Variants in KCNH7 observed in about 807,000 individuals in gnomAD.
KCNH7 encodes the protein potassium voltage-gated channel subfamily H member 7, also known as voltage-gated inwardly rectifying potassium channel KCNH7.
A neutral mutation model predicts 120.8 loss-of-function variants in KCNH7; 49 were observed. The ratio of observed to expected loss-of-function variants is 0.41; its 90% confidence interval spans 0.32 to 0.51. The LOEUF (loss-of-function observed/expected upper bound fraction) is 0.51. Ranked by LOEUF, KCNH7 falls within the 20% of genes least tolerant of loss-of-function variation. The pLI, the probability that KCNH7 is intolerant of heterozygous loss-of-function variation, is 0.38. For synonymous variants in KCNH7, 547 were observed against 516.1 expected, an observed-to-expected ratio of 1.06 and a Z score of -0.81; for missense variants, 1,097 against 1,446.6, an observed-to-expected ratio of 0.76 and a Z score of 3.92.
chr2:162,755,314 CA>C (rs557498810), intron 2 of KCNH7, among the ~76,000 whole-genome samples: 1 of 151,442 alleles, frequency 6.6e-6, no homozygotes, highest in African/African-American at 2.4e-5. Context: ...ACTAAAAATA[CA>C]AAAAAAATTA....
chr2:162,726,453 C>T (rs1017310026), intron 2 of KCNH7, among the ~76,000 whole-genome samples: 4 of 151,876 alleles, frequency 2.6e-5, no homozygotes, highest in Non-Finnish European at 4.4e-5. Flanking sequence ...GGAGTCTTGC[C>T]CTGTCTCCCA....
chr2:162,825,900 A>T (rs1573935992), intron 2 of KCNH7, among the ~76,000 whole-genome samples: 1 of 152,130 alleles, frequency 6.6e-6, no homozygotes, highest in African/African-American at 2.4e-5. Flanking sequence ...TTATAGCTGC[A>T]CTACAAGCCA....
chr2:162,575,002 G>A (rs866867898), intron 2 of KCNH7, among the ~76,000 whole-genome samples: 2 of 152,086 alleles, frequency 1.3e-5, no homozygotes, highest in Non-Finnish European at 2.9e-5. Context: ...TAGTGGAAGT[G>A]TTGGGCATGT....
At chr2:162,734,741 C>T (rs1687841551) in intron 2 of KCNH7, among the ~76,000 whole-genome samples, 1 of 151,748 alleles carries the variant, frequency 6.6e-6, no homozygotes, top group South Asian at 2.1e-4. Flanking sequence ...TATTAAAAGC[C>T]AGAGCTCAGT....
chr2:162,562,628 C>A (rs946965716), intron 2 of KCNH7, among the ~76,000 whole-genome samples: 2 of 152,200 alleles, frequency 1.3e-5, no homozygotes, highest in Non-Finnish European at 2.9e-5. Context: ...CTGGGTCCTG[C>A]TCACTTGGAC....
chr2:162,481,787 C>T (rs1259347435), intron 6 of KCNH7, among the ~76,000 whole-genome samples: 3 of 152,138 alleles, frequency 2.0e-5, no homozygotes, highest in Non-Finnish European at 4.4e-5. Context: ...GTACTGCATG[C>T]ATTAAATAAA....
At chr2:162,744,699 A>G (rs945564636) in intron 2 of KCNH7, among the ~76,000 whole-genome samples, 1 of 151,316 alleles carries the variant, frequency 6.6e-6, no homozygotes, top group Non-Finnish European at 1.5e-5. Flanking sequence ...CAGCCTCCCG[A>G]GTAGCTGGGA....
At chr2:162,592,164 T>C (rs1694234119) in intron 2 of KCNH7, among the ~76,000 whole-genome samples, 1 of 152,086 alleles carries the variant, frequency 6.6e-6, no homozygotes, top group African/African-American at 2.4e-5. Flanking sequence ...CTCCCACAGC[T>C]TAAAGGTTAC....
At chr2:162,741,272 T>TATGTTATTAGTTATACATATTAATAAC (rs1688122388) in intron 2 of KCNH7, among the ~76,000 whole-genome samples, 1 of 149,546 alleles carries the variant, frequency 6.7e-6, no homozygotes, top group African/African-American at 2.4e-5. Flanking sequence ...ATTAATAACA[T>TATGTTATTAGTTATACATATTAATAAC]ATGTTATTAG....
At chr2:162,510,406 T>C (rs1004609233) in intron 5 of KCNH7, among the ~76,000 whole-genome samples, 4 of 151,466 alleles carry the variant, frequency 2.6e-5, no homozygotes, top group African/African-American at 9.7e-5. Flanking sequence ...AGAATACATA[T>C]CAGAAAGAAG....
At chr2:162,441,089 A>G (rs1688402175) in intron 7 of KCNH7, among the ~76,000 whole-genome samples, 1 of 152,144 alleles carries the variant, frequency 6.6e-6, no homozygotes, top group African/African-American at 2.4e-5. Flanking sequence ...ATACATTTTT[A>G]GAGGCATGAC....
chr2:162,778,717 GAATA>G (rs1279891732), intron 2 of KCNH7, among the ~76,000 whole-genome samples: 2 of 152,074 alleles, frequency 1.3e-5, no homozygotes, highest in Non-Finnish European at 2.9e-5. Context: ...AGATGATAGA[GAATA>G]AATGGGTGTG....
chr2:162,742,314 G>A (rs1403797839), intron 2 of KCNH7, among the ~76,000 whole-genome samples: 2 of 151,938 alleles, frequency 1.3e-5, no homozygotes, highest in Non-Finnish European at 2.9e-5. Context: ...TTAATGGAGT[G>A]GTTGTAAAAT....
intron 9 of KCNH7, among the ~76,000 whole-genome samples, chr2:162,404,377 C>G (rs1224920655): frequency 6.6e-6 from 1 of 151,810 alleles, no homozygotes; most frequent in African/African-American, 2.4e-5. Context: ...TTAGCAAATA[C>G]TTATTATTTG....
chr2:162,593,699 G>T (rs1310191234), intron 2 of KCNH7, among the ~76,000 whole-genome samples: 2 of 151,932 alleles, frequency 1.3e-5, no homozygotes, highest in East Asian at 3.9e-4. Context: ...AAATAATACA[G>T]CCATGAACCT....
At chr2:162,650,845 C>G (rs1263282415) in intron 2 of KCNH7, among the ~76,000 whole-genome samples, 1 of 152,096 alleles carries the variant, frequency 6.6e-6, no homozygotes, top group East Asian at 1.9e-4. Flanking sequence ...CAGTAAGTGA[C>G]TGAGTAAATA....
At chr2:162,679,027 T>G (rs1487396769) in intron 2 of KCNH7, among the ~76,000 whole-genome samples, 1 of 151,624 alleles carries the variant, frequency 6.6e-6, no homozygotes, top group East Asian at 1.9e-4. Flanking sequence ...GAAATGTACT[T>G]TAATGCTGAG....
intron 2 of KCNH7, among the ~76,000 whole-genome samples, chr2:162,783,662 T>C (rs1021135688): frequency 6.6e-6 from 1 of 152,208 alleles, no homozygotes; most frequent in African/African-American, 2.4e-5. Flanking sequence ...AAACACTCGC[T>C]GAAGGAAAGA....
At chr2:162,551,110 T>C (rs1692653944) in intron 2 of KCNH7, among the ~76,000 whole-genome samples, 1 of 152,082 alleles carries the variant, frequency 6.6e-6, no homozygotes, top group Admixed American at 6.6e-5. Context: ...TTTGCCAAGA[T>C]CAAATTCAAC....
Sources: gnomAD v4.1 joint callset for allele counts (sites outside exome capture counted in the v4.1 genomes callset) on GRCh38, gnomAD v4.1.1 for gene constraint, MANE v1.5 for transcripts, NCBI Gene and HGNC (gene_info 2026-07-23, HGNC 2026-07-21) for gene names.